Variants in PRKCG observed in about 807,000 individuals in gnomAD.
PRKCG encodes the protein protein kinase C gamma type.
In PRKCG, 28 loss-of-function variants were observed where a neutral mutation model predicts 82.0. That is an observed-to-expected ratio of 0.34 (90% confidence interval 0.25 to 0.47). PRKCG has a LOEUF of 0.47. PRKCG is among the 20% of genes least tolerant of loss of function. The probability of loss-of-function intolerance (pLI) is 1.00; values close to 1 mark genes in which losing one functional copy is unlikely to be tolerated. For synonymous variants in PRKCG, 383 were observed against 376.6 expected, an observed-to-expected ratio of 1.02 and a Z score of -0.20; for missense variants, 640 against 952.7, an observed-to-expected ratio of 0.67 and a Z score of 4.32.
intron 14 of PRKCG, 139 bp from the exon 15 acceptor site, chr19:53,902,934 T>A: frequency 1.2e-5 from 5 of 428,280 alleles, no homozygotes; most frequent in East Asian, 4.6e-5. Context: ...AAAAATCACC[T>A]GATGAAATAA....
chr19:53,888,027 C>T (rs1050870545), intron 3 of PRKCG, among the ~76,000 whole-genome samples: 3 of 152,076 alleles, frequency 2.0e-5, no homozygotes, highest in Non-Finnish European at 4.4e-5. Flanking sequence ...ACCACAGCCT[C>T]CGTGCTGTCT....
intron 5 of PRKCG, among the ~76,000 whole-genome samples, chr19:53,890,768 T>C (rs1417586445): frequency 8.0e-6 from 1 of 124,556 alleles, no homozygotes; most frequent in African/African-American, 3.6e-5. Context: ...TTTTTTTTTT[T>C]TGAGACAAGA....
rs45459891 is a variant in PRKCG at position 53,889,846 on chromosome 19, G to A, written c.398-40G>A. On this transcript the variant is annotated intron_variant, in intron 4 of 17. Transcript: ENST00000263431. This position sits in a 1 kb window ranked among gnomAD's most constrained non-coding sequence, Gnocchi z 4.4. ...GGTGGGGGGTGGAGTCTTGGCTTGG[G>A]GGCGGGGCCTGAGGTGCTACCCGCA... The A allele has an allele frequency of 6.4e-7, 1 of 1,570,214 alleles. No individual in the cohort carries two copies. Among genetic ancestry groups the A allele is most frequent in the Non-Finnish European group, 8.6e-7 (1 of 1,158,286 alleles).
At chr19:53,906,585 C>T in intron 17 of PRKCG, 122 bp from the exon 18 acceptor site, 1 of 1,552,722 alleles carries the variant, frequency 6.4e-7, no homozygotes, top group Non-Finnish European at 8.9e-7. Context: ...AAAGGAGGTG[C>T]AGACACCATG....
At chr19:53,893,463 T>A in intron 9 of PRKCG, 72 bp downstream of exon 9, 1 of 1,487,740 alleles carries the variant, frequency 6.7e-7, no homozygotes, top group Non-Finnish European at 9.4e-7. Flanking sequence ...CTCCTCTGAC[T>A]TCTGTCTTCA....
In PRKCG at chr19:53,892,609, G is replaced by C; in HGVS notation, c.787G>C (p.Val263Leu). 3.7e-6 allele frequency: 6 copies of C among 1,613,274 alleles called. No homozygotes were observed. The highest frequency in any genetic ancestry group is 5.1e-6 in the Non-Finnish European group (6 of 1,179,972). Reference sequence around the variant, plus strand: ...CTTCATGGGGGCCATGTCCTTTGGCGTCTCGGAGCTGCTCAAGGCGCCCGT... The same window carrying C: ...CTTCATGGGGGCCATGTCCTTTGGCCTCTCGGAGCTGCTCAAGGCGCCCGT... ...NDFMGAMSFG[V>L]SELLKAPVDG... The change falls in exon 7 of 18, where the codon GTC (valine) becomes CTC (leucine). Residue 263 changes from valine to leucine, a missense_variant. Physicochemically the swap from Val to Leu is conservative, Grantham distance 32 (BLOSUM62 1). Transcript: ENST00000263431. This position sits in a 1 kb window ranked among gnomAD's most constrained non-coding sequence, Gnocchi z 5.9.
chr19:53,890,033 C>A lies in PRKCG; in HGVS notation c.529+16C>A. On this transcript the variant is annotated intron_variant, in intron 5 of 17. Transcript: ENST00000263431. Reference sequence around the variant, plus strand: ...CACGTAACTGGTGAGGCCCCGCCCCCTCGCCTGGCCCCGCCCCCTCCCCAA... The same window carrying A: ...CACGTAACTGGTGAGGCCCCGCCCCATCGCCTGGCCCCGCCCCCTCCCCAA... The A allele has an allele frequency of 6.4e-7, 1 of 1,550,692 alleles. No homozygotes were observed.
At chr19:53,885,948 C>T (rs1340011333) in intron 3 of PRKCG, among the ~76,000 whole-genome samples, 1 of 151,152 alleles carries the variant, frequency 6.6e-6, no homozygotes, top group East Asian at 2.0e-4. Context: ...GCCTGTAATC[C>T]CAGCTACTCG....
intron 16 of PRKCG, among the ~76,000 whole-genome samples, chr19:53,906,041 CCCTCCT>C (rs1207027776): frequency 0.021 from 679 of 32,878 alleles, 28 homozygotes; most frequent in South Asian, 0.034. Context: ...TCCTCCTCCT[CCCTCCT>C]CCTCCTCCTC....
chr19:53,884,326 TATTTTTATG>T lies in PRKCG; in HGVS notation c.285+84_285+92del. On this transcript the variant is annotated intron_variant, in intron 3 of 17. Transcript: ENST00000263431. The surrounding 1 kb of genome is among the most constrained non-coding windows in gnomAD (Gnocchi z 4.6). ...CGGCGTCCGTCCCAATTTCTCCTGC[TATTTTTATG>T]GCTGGGAGGGGAGGGGGGCTGGAGA... The T allele has an allele frequency of 7.7e-7, 1 of 1,295,280 alleles. No individual in the cohort carries two copies. The highest frequency in any genetic ancestry group is 1.2e-5 in the South Asian group (1 of 84,648). 80.2% of individuals were successfully genotyped at this position (1,295,280 alleles called of 1,614,324 possible). A position where few individuals can be genotyped will look rare whatever the true frequency, so the allele number is the denominator to read the frequency against.
chr19:53,907,024 C>T lies in PRKCG; in HGVS notation c.*129C>T, dbSNP rs1166589190. 5 of 1,540,696 alleles carry T rather than the reference C, an allele frequency of 3.2e-6. No individual in the cohort carries two copies. The highest frequency in any genetic ancestry group is 3.9e-5 in the Admixed American group (2 of 50,746). On this transcript the variant is annotated 3_prime_UTR_variant, in exon 18 of 18. Transcript: ENST00000263431. ...GCACCCCAGCATTCCAGCTCTGCCCCCGCGGGTTCTAGACGCCCCTCCCAA... is the reference window on the plus strand; with the variant it reads ...GCACCCCAGCATTCCAGCTCTGCCCTCGCGGGTTCTAGACGCCCCTCCCAA...
chr19:53,900,231 A>G lies in PRKCG; in HGVS notation c.1282-2A>G. On this transcript the variant is annotated splice_acceptor_variant, in intron 11 of 17. Coordinates refer to ENST00000263431, the MANE Select transcript of PRKCG (RefSeq NM_002739.5). LOFTEE classifies it high-confidence loss of function. The surrounding 1 kb of genome is among the most constrained non-coding windows in gnomAD (Gnocchi z 4.2). ...CCTCTAAGCCCATGCACTTCTCCGC[A>G]GGACCGCCTGTATTTCGTGATGGAG... 1 of 1,613,898 alleles carries G rather than the reference A, an allele frequency of 6.2e-7. No homozygotes were observed. The highest frequency in any genetic ancestry group is 8.5e-7 in the Non-Finnish European group (1 of 1,179,798).
At position 53,890,130 on chromosome 19, in the gene PRKCG, T is replaced by G. The variant is rs913503842; in HGVS notation, c.529+113T>G. Reference sequence around the variant, plus strand: ...CCCCAAAGATGGGGCCACGCCTCTTTCTATGGTCACGCCCACACTCCTGAC... The same window carrying G: ...CCCCAAAGATGGGGCCACGCCTCTTGCTATGGTCACGCCCACACTCCTGAC... On this transcript the variant is annotated intron_variant, in intron 5 of 17. Coordinates refer to ENST00000263431, the MANE Select transcript of PRKCG (RefSeq NM_002739.5). The G allele has an allele frequency of 2.7e-4, 326 of 1,202,512 alleles. 3 individuals are homozygous for G. The highest frequency in any genetic ancestry group is 8.4e-4 in the South Asian group (64 of 76,250). The allele number at this position is 1,202,512 out of a possible 1,614,324, so 74.5% of individuals were successfully genotyped here.
chr19:53,907,020 G>A lies in PRKCG; in HGVS notation c.*125G>A. The A allele has an allele frequency of 6.5e-7, 1 of 1,533,246 alleles. No individual in the cohort carries two copies. Among genetic ancestry groups the A allele is most frequent in the Non-Finnish European group, 8.7e-7 (1 of 1,145,572 alleles). The allele number at this position is 1,533,246 out of a possible 1,614,324, so 95.0% of individuals were successfully genotyped here. A position where few individuals can be genotyped will look rare whatever the true frequency, so the allele number is the denominator to read the frequency against. On this transcript the variant is annotated 3_prime_UTR_variant, in exon 18 of 18. Transcript: ENST00000263431. Reference sequence around the variant, plus strand: ...TCCTGCACCCCAGCATTCCAGCTCTGCCCCCGCGGGTTCTAGACGCCCCTC... The same window carrying A: ...TCCTGCACCCCAGCATTCCAGCTCTACCCCCGCGGGTTCTAGACGCCCCTC...
chr19:53,890,691 C>T lies in PRKCG; in HGVS notation c.529+674C>T, dbSNP rs187215180. Among the ~76,000 whole-genome samples the T allele has an allele frequency of 1.7e-3, 265 of 151,804 alleles. 2 individuals are homozygous for T. The South Asian group carries it at 0.028, about 16-fold the overall frequency. On this transcript the variant is annotated intron_variant, in intron 5 of 17. Transcript: ENST00000263431. The stretch of plus-strand genomic sequence containing the variant: ...CTGCCTCCGGGGTTCAAGGGATTCT[C>T]CTGCCTCAGCCTCCCGAGTAGCTGG...
intron 3 of PRKCG, among the ~76,000 whole-genome samples, chr19:53,885,919 AT>A (rs67203671): frequency 0.063 from 9,093 of 145,012 alleles, 913 homozygotes; most frequent in African/African-American, 0.21. Flanking sequence ...ACTCATCAAG[AT>A]TTTTTTTTTT....
At chr19:53,885,938 G>A (rs541530786) in intron 3 of PRKCG, among the ~76,000 whole-genome samples, 97 of 148,664 alleles carry the variant, frequency 6.5e-4, no homozygotes, top group African/African-American at 2.3e-3. Context: ...TTTGTTTTTT[G>A]CCTGTAATCC....
rs78067273 is a variant in PRKCG, at chr19:53,884,432, G to A, written c.285+189G>A. On this transcript the variant is annotated intron_variant, in intron 3 of 17. Coordinates refer to ENST00000263431, the MANE Select transcript of PRKCG (RefSeq NM_002739.5). This position sits in a 1 kb window ranked among gnomAD's most constrained non-coding sequence, Gnocchi z 4.6. ...AGGGGGAATGCGAGGGGGACTGACAGGCTGGGGACACGGGTGGGGCACAGA... is the reference window on the plus strand; with the variant it reads ...AGGGGGAATGCGAGGGGGACTGACAAGCTGGGGACACGGGTGGGGCACAGA... 3.6e-4 allele frequency among the ~76,000 whole-genome samples: 55 copies of A among 152,278 alleles called. No individual in the cohort carries two copies. The East Asian group carries it at 7.9e-3, about 22-fold the overall frequency.
At position 53,893,382 on chromosome 19, in the gene PRKCG, A is replaced by T. The variant is rs1391007553; in HGVS notation, c.930A>T (p.Glu310Asp). Residue 310 changes from glutamate to aspartate, a missense_variant, in exon 9 of 18, where the codon GAA becomes GAT. Around this residue, in one of 7 missense-constraint regions of PRKCG, gnomAD observed 261 missense variants for 312.1 expected, o/e 0.84. Transcript: ENST00000263431. ...CCCAGGCTTGTAACTACCCCCTGGA[A>T]TTGTATGAGGTGAGTAGAACCAGGG... ...QKFEACNYPL[E>D]LYERVRMGPS... The T allele has an allele frequency of 6.2e-7, 1 of 1,613,572 alleles. No homozygotes were observed. The highest frequency in any genetic ancestry group is 1.7e-4 in the Middle Eastern group (1 of 6,058).
Sources: allele counts gnomAD v4.1 joint callset (sites outside exome capture counted in the v4.1 genomes callset), GRCh38; gene constraint gnomAD v4.1.1; regional missense constraint gnomAD v4.1.1; non-coding constraint Gnocchi (gnomAD v3.1); transcripts MANE v1.5; gene names NCBI Gene and HGNC (gene_info 2026-07-23, HGNC 2026-07-21).